The following POGLUT1 variants were observed in gnomAD, a reference collection of about 807,000 sequenced individuals.
POGLUT1 encodes 9630046K23Rik.
A neutral mutation model predicts 61.3 loss-of-function variants in POGLUT1; 32 were observed. That is an observed-to-expected ratio of 0.52 (90% CI 0.39 to 0.70). POGLUT1 has a LOEUF of 0.70. POGLUT1 is among the 30% of genes least tolerant of loss of function. The pLI, the probability that POGLUT1 is intolerant of heterozygous loss-of-function variation, is 0.00. For synonymous variants in POGLUT1, 158 were observed against 158.2 expected (o/e 1.00, Z 0.01); for missense variants, 411 against 469.8 (o/e 0.87, Z 1.16).
chr3:119,490,644 G>C lies in POGLUT1; in HGVS notation c.891G>C (p.Trp297Cys). 2 of 1,614,012 alleles carry C rather than the reference G, an allele frequency of 1.2e-6. No individual in the cohort carries two copies. Among genetic ancestry groups the C allele is most frequent in the Non-Finnish European group, 1.7e-6 (2 of 1,179,944 alleles). ...TTGTTTTCCATGTTGGTGATGAGTGGCTAGAATTCTTCTATCCACAGCTGA... is the reference window on the plus strand; with the variant it reads ...TTGTTTTCCATGTTGGTGATGAGTGCCTAGAATTCTTCTATCCACAGCTGA... ...GSLVFHVGDE[W>C]LEFFYPQLKP... Residue 297 changes from tryptophan to cysteine, a missense_variant, in exon 9 of 11, where the codon TGG becomes TGC. Transcript: ENST00000295588.
chr3:119,483,137 A>G (rs2107712797), intron 5 of POGLUT1, among the ~76,000 whole-genome samples: 1 of 152,222 alleles, frequency 6.6e-6, no homozygotes, highest in East Asian at 1.9e-4. Flanking sequence ...GGAAATGTAT[A>G]CTGTGTATCC....
At chr3:119,486,799 C>G in intron 6 of POGLUT1, 34 bp from the exon 7 acceptor site, 1 of 1,400,500 alleles carries the variant, frequency 7.1e-7, no homozygotes, top group South Asian at 1.2e-5. Context: ...CTAATACAGG[C>G]CACACAGTTT....
chr3:119,484,189 G>A (rs1249455668), intron 5 of POGLUT1, among the ~76,000 whole-genome samples: 1 of 152,174 alleles, frequency 6.6e-6, no homozygotes, highest in African/African-American at 2.4e-5. Context: ...TGAGGGTGGA[G>A]GTCTGAGGGC....
intron 3 of POGLUT1, among the ~76,000 whole-genome samples, chr3:119,474,159 A>G (rs1560031084): frequency 6.6e-6 from 1 of 152,262 alleles, no homozygotes; most frequent in African/African-American, 2.4e-5. Context: ...AATTACATAT[A>G]AAGTATACAA....
chr3:119,471,742 G>C, intron 3 of POGLUT1: 1 of 373,784 alleles, frequency 2.7e-6, no homozygotes, highest in South Asian at 2.4e-5. Flanking sequence ...GGCTGATGAG[G>C]CCTAGCAGGC....
Position 119,490,732 on chromosome 3 carries a change from C to A in POGLUT1, c.965+14C>A, listed in dbSNP as rs1362340196. The A allele has an allele frequency of 6.2e-7, 1 of 1,609,052 alleles. No individual in the cohort carries two copies. Among genetic ancestry groups the A allele is most frequent in the Non-Finnish European group, 8.5e-7 (1 of 1,176,452 alleles). The stretch of plus-strand genomic sequence containing the variant: ...CTCCAATGTCCAGTAAGCAGTTATC[C>A]CCCAATGCAGAGTTTCTAAAGACCC... On this transcript the variant is annotated intron_variant, in intron 9 of 10. Transcript: ENST00000295588.
intron 3 of POGLUT1, among the ~76,000 whole-genome samples, chr3:119,475,832 A>G (rs1375072137): frequency 1.3e-5 from 2 of 151,730 alleles, no homozygotes; most frequent in East Asian, 3.9e-4. Flanking sequence ...AAAAATCTTG[A>G]TAAACAGGCT....
At chr3:119,470,060 G>T in intron 2 of POGLUT1, 150 bp downstream of exon 2, 1 of 622,540 alleles carries the variant, frequency 1.6e-6, no homozygotes. Context: ...CATGGGAAAG[G>T]CTCAGGTGGT....
chr3:119,474,010 A>C (rs2081507265), intron 3 of POGLUT1, among the ~76,000 whole-genome samples: 1 of 151,924 alleles, frequency 6.6e-6, no homozygotes, highest in Non-Finnish European at 1.5e-5. Context: ...TTTTGAATAA[A>C]ATAAAATATA....
In POGLUT1 at chr3:119,491,573, A is replaced by G; in HGVS notation, c.1021A>G (p.Arg341Gly). 6.5e-7 allele frequency: 1 copy of G among 1,536,270 alleles called. No homozygotes were observed. The highest frequency in any genetic ancestry group is 8.9e-7 in the Non-Finnish European group (1 of 1,121,484). ...NDDVAQEIAERGSQFIRNHLQ... is the reference protein window; with the variant it reads ...NDDVAQEIAEGGSQFIRNHLQ... ...TGATGTAGCTCAAGAGATTGCTGAA[A>G]GGTGAGTTCTGTTCATTTTCCCTTT... The change falls in exon 10 of 11, where the codon AGG becomes GGG. Residue 341 changes from arginine (R) to glycine (G), a missense_variant and splice_region_variant. Physicochemically the swap from Arg to Gly is moderately radical, Grantham distance 125 (BLOSUM62 -2). Coordinates refer to ENST00000295588, the MANE Select transcript of POGLUT1 (RefSeq NM_152305.3).
chr3:119,470,239 A>G (rs1046857177), intron 2 of POGLUT1, among the ~76,000 whole-genome samples: 2 of 152,186 alleles, frequency 1.3e-5, no homozygotes. Flanking sequence ...AAACCCATCT[A>G]TCGCTGAATC....
intron 3 of POGLUT1, among the ~76,000 whole-genome samples, chr3:119,473,665 T>C (rs924569546): frequency 3.4e-4 from 52 of 151,966 alleles, no homozygotes; most frequent in African/African-American, 1.1e-3. Flanking sequence ...AGATACTTTT[T>C]TTTTTTTTTT....
At chr3:119,481,943 T>A (rs974521605) in intron 5 of POGLUT1, among the ~76,000 whole-genome samples, 1 of 152,194 alleles carries the variant, frequency 6.6e-6, no homozygotes, top group East Asian at 1.9e-4. Context: ...TTTTTTAAAA[T>A]TTTTTGTAGA....
In POGLUT1 at chr3:119,490,599, C is replaced by A; in HGVS notation, c.846C>A (p.His282Gln). Reference sequence around the variant, plus strand: ...TAGCTGCAAGTTTCCGGTTTAAACACCTCTTCCTGTGTGGCTCACTTGTTT... The same window carrying A: ...TAGCTGCAAGTTTCCGGTTTAAACAACTCTTCCTGTGTGGCTCACTTGTTT... ...RGVAASFRFK[H>Q]LFLCGSLVFH... The change falls in exon 9 of 11, where the codon CAC becomes CAA. Residue 282 changes from histidine (H) to glutamine (Q), a missense_variant. Coordinates refer to ENST00000295588, the MANE Select transcript of POGLUT1 (RefSeq NM_152305.3). The A allele has an allele frequency of 6.2e-7, 1 of 1,614,124 alleles. No individual in the cohort carries two copies. Among genetic ancestry groups the A allele is most frequent in the Non-Finnish European group, 8.5e-7 (1 of 1,179,976 alleles).
At chr3:119,492,000 G>A (rs1451534721) in intron 10 of POGLUT1, among the ~76,000 whole-genome samples, 2 of 152,122 alleles carry the variant, frequency 1.3e-5, no homozygotes, top group Non-Finnish European at 2.9e-5. Context: ...GTTGCAGTGA[G>A]CCAAGATCGC....
intron 5 of POGLUT1, 55 bp from the exon 6 acceptor site, chr3:119,485,273 A>C: frequency 9.2e-7 from 1 of 1,087,792 alleles, no homozygotes; most frequent in Non-Finnish European, 1.4e-6. Context: ...GTTAAAGCAC[A>C]TTCTTATATA....
At chr3:119,470,447 G>A (rs745961130) in intron 2 of POGLUT1, among the ~76,000 whole-genome samples, 7 of 152,222 alleles carry the variant, frequency 4.6e-5, no homozygotes, top group African/African-American at 7.2e-5. Flanking sequence ...ATGATGGCAC[G>A]TGCCTGTAAT....
rs2081774852 is a variant in POGLUT1 at position 119,493,200 on chromosome 3, G to A, written c.*762G>A. 1 of 146,678 alleles carries A rather than the reference G, an allele frequency of 6.8e-6. No homozygotes were observed. The highest frequency in any genetic ancestry group is 2.2e-4 in the South Asian group (1 of 4,582). 9.1% of individuals were successfully genotyped at this position (146,678 alleles called of 1,614,324 possible). On this transcript the variant is annotated 3_prime_UTR_variant, in exon 11 of 11. Transcript: ENST00000295588. ...AATAAATTTAATGGAACTATACATAGAACAGCAGCTCTTCCTCACCCTTTG... is the reference window on the plus strand; with the variant it reads ...AATAAATTTAATGGAACTATACATAAAACAGCAGCTCTTCCTCACCCTTTG...
intron 3 of POGLUT1, among the ~76,000 whole-genome samples, chr3:119,472,206 T>G (rs980751416): frequency 1.3e-5 from 2 of 151,670 alleles, no homozygotes; most frequent in Admixed American, 6.6e-5. Flanking sequence ...GAGTTTGTTT[T>G]TTTTTTTTAA....
Sources: allele counts gnomAD v4.1 joint callset (sites outside exome capture counted in the v4.1 genomes callset), GRCh38; gene constraint gnomAD v4.1.1; transcripts MANE v1.5; gene names NCBI Gene and HGNC (gene_info 2026-07-23, HGNC 2026-07-21).